RBM6: variants seen among roughly 807,000 people sequenced by gnomAD.
The protein encoded by RBM6 is RNA-binding protein 6.
Under a neutral mutation model 140.4 loss-of-function variants are expected in RBM6, and 23 were observed. The ratio of observed to expected loss-of-function variants is 0.16; its 90% confidence interval spans 0.12 to 0.23. RBM6 has a LOEUF of 0.23. RBM6 is among the 10% of genes least tolerant of loss of function. The probability of loss-of-function intolerance (pLI) is 1.00; values close to 1 mark genes in which losing one functional copy is unlikely to be tolerated. For missense variants in RBM6, 1,139 were observed against 1,386.7 expected (o/e 0.82, Z 2.84); for synonymous variants, 439 against 475.6 (o/e 0.92, Z 1.00).
chr3:50,066,304 G>C lies in RBM6; in HGVS notation c.2745G>C (p.Glu915Asp). 1.9e-6 allele frequency: 3 copies of C among 1,614,142 alleles called. No individual in the cohort carries two copies. The highest frequency in any genetic ancestry group is 2.5e-6 in the Non-Finnish European group (3 of 1,180,024). Residue 915 changes from glutamate to aspartate, a missense_variant, in exon 17 of 21, where the codon GAG becomes GAC. By Grantham distance (45) the Glu-to-Asp change is conservative. Around this residue, in one of 9 missense-constraint regions of RBM6, gnomAD observed 8 missense variants for 30.6 expected, o/e 0.26. Coordinates refer to ENST00000266022, the MANE Select transcript of RBM6 (RefSeq NM_005777.3). ...AATATGGAGGAGACAGTGACTATGA[G>C]GAGGAAGAAGAGGAGGAACAGACCC... ...LGEYGGDSDY[E>D]EEEEEEQTPP...
intron 6 of RBM6, among the ~76,000 whole-genome samples, chr3:50,027,871 C>A (rs1212889712): frequency 6.6e-6 from 1 of 152,212 alleles, no homozygotes; most frequent in African/African-American, 2.4e-5. Context: ...AATGCTAAAA[C>A]TTCCAGCTTT....
chr3:50,067,768 T>G (rs2090167486), intron 17 of RBM6, among the ~76,000 whole-genome samples: 1 of 152,212 alleles, frequency 6.6e-6, no homozygotes. Flanking sequence ...ACCCCTTCTC[T>G]AGTAGATGTT....
intron 5 of RBM6, among the ~76,000 whole-genome samples, chr3:49,990,084 A>G (rs1009321576): frequency 6.6e-6 from 1 of 152,192 alleles, no homozygotes; most frequent in Admixed American, 6.5e-5. Flanking sequence ...GTAATACTAC[A>G]TTGAGGGAAC....
intron 11 of RBM6, among the ~76,000 whole-genome samples, chr3:50,060,480 G>C (rs967547614): frequency 6.6e-6 from 1 of 151,826 alleles, no homozygotes; most frequent in Non-Finnish European, 1.5e-5. Flanking sequence ...AGGCGTGGTG[G>C]CTCACGCCTG....
chr3:50,026,626 C>CTT (rs1183073910), intron 6 of RBM6, among the ~76,000 whole-genome samples: 1 of 147,584 alleles, frequency 6.8e-6, no homozygotes, highest in Non-Finnish European at 1.5e-5. Flanking sequence ...GGCCAAGACT[C>CTT]TGTCTCTCAA....
chr3:49,959,338 G>A (rs1354875841), intron 1 of RBM6, among the ~76,000 whole-genome samples: 1 of 148,444 alleles, frequency 6.7e-6, no homozygotes, highest in Non-Finnish European at 1.5e-5. Flanking sequence ...ACAGGTGCCC[G>A]CCACCACGCC....
chr3:50,012,246 A>G (rs1003300782), intron 6 of RBM6, among the ~76,000 whole-genome samples: 1 of 151,938 alleles, frequency 6.6e-6, no homozygotes, highest in African/African-American at 2.4e-5. Flanking sequence ...ACGAGGTCTC[A>G]ATCTATTGCC....
At position 49,940,160 on chromosome 3, in the gene RBM6, C is replaced by G. The variant is rs569335816; in HGVS notation, c.-132C>G. ...CGCGCGGAGGAAGTTCCGGTGTCCG[C>G]GGCGCTGGGTCGGTGGCGGAGGCTG... On this transcript the variant is annotated 5_prime_UTR_variant, in exon 1 of 21. Transcript: ENST00000266022. 1 of 152,586 alleles carries G rather than the reference C, an allele frequency of 6.6e-6. No homozygotes were observed. Among genetic ancestry groups the G allele is most frequent in the East Asian group, 1.9e-4 (1 of 5,184 alleles). The allele number at this position is 152,586 out of a possible 1,614,324, so 9.5% of individuals were successfully genotyped here.
intron 6 of RBM6, among the ~76,000 whole-genome samples, chr3:50,018,824 C>T (rs1396263662): frequency 2.0e-5 from 3 of 151,754 alleles, no homozygotes; most frequent in Admixed American, 6.6e-5. Context: ...CTTGTGACCT[C>T]GTGATTCGTC....
rs747317048 is a variant in RBM6 at position 50,058,577 on chromosome 3, C to T, written c.2130+15C>T. The T allele has an allele frequency of 6.3e-7, 1 of 1,590,776 alleles. No individual in the cohort carries two copies. Among genetic ancestry groups the T allele is most frequent in the Non-Finnish European group, 8.6e-7 (1 of 1,159,760 alleles). ...ACTCCCATGCGGTGAGTTTCCTCCA[C>T]CTTGGATTGGCCTAGAGACAGATGG... On this transcript the variant is annotated intron_variant, in intron 10 of 20. Transcript: ENST00000266022.
At chr3:50,064,613 G>A (rs767337171) in intron 15 of RBM6, among the ~76,000 whole-genome samples, 7 of 151,994 alleles carry the variant, frequency 4.6e-5, no homozygotes, top group Non-Finnish European at 1.0e-4. Flanking sequence ...CCAGGTTCCA[G>A]CAGTTCTTCT....
rs1039884120 is a variant in RBM6 at position 49,968,208 on chromosome 3, C to A, written c.783C>A (p.His261Gln). The A allele has an allele frequency of 1.2e-6, 2 of 1,613,874 alleles. No homozygotes were observed. Among genetic ancestry groups the A allele is most frequent in the East Asian group, 4.5e-5 (2 of 44,900 alleles). Residue 261 changes from histidine to glutamine, a missense_variant, in exon 3 of 21, where the codon CAC (histidine) becomes CAA (glutamine). His to Gln is a conservative substitution (Grantham distance 24, BLOSUM62 0). This residue lies in a region of RBM6 where 566 missense variants were observed against 612.7 expected (regional missense o/e 0.92). Transcript: ENST00000266022. The stretch of plus-strand genomic sequence containing the variant: ...CACATTCAGATTTCAGAGGTAGACA[C>A]CGATCTAGGACTGATCAGGATTTTA... ...DTPHSDFRGR[H>Q]RSRTDQDFRG...
At chr3:49,952,408 T>C (rs2083775684) in intron 1 of RBM6, among the ~76,000 whole-genome samples, 1 of 151,898 alleles carries the variant, frequency 6.6e-6, no homozygotes, top group South Asian at 2.1e-4. Flanking sequence ...TCAAGTGATC[T>C]GCCCACTTCA....
At chr3:50,058,301 A>G (rs2089795861) in intron 9 of RBM6, 101 bp from the exon 10 acceptor site, 4 of 1,293,304 alleles carry the variant, frequency 3.1e-6, no homozygotes, top group Non-Finnish European at 4.4e-6. Flanking sequence ...CAGCCTTGCT[A>G]GTAGCATCTA....
intron 5 of RBM6, among the ~76,000 whole-genome samples, chr3:49,996,142 T>C (rs1329944792): frequency 6.6e-6 from 1 of 152,180 alleles, no homozygotes; most frequent in Non-Finnish European, 1.5e-5. Flanking sequence ...TTTCTCTGAG[T>C]GGGCATTCAC....
At chr3:50,026,093 TTC>T (rs1470446929) in intron 6 of RBM6, among the ~76,000 whole-genome samples, 1 of 151,982 alleles carries the variant, frequency 6.6e-6, no homozygotes, top group Non-Finnish European at 1.5e-5. Context: ...CTTTTTTTTT[TTC>T]TTTTTTTTTG....
intron 1 of RBM6, among the ~76,000 whole-genome samples, chr3:49,947,940 C>T (rs1004046737): frequency 6.6e-6 from 1 of 152,142 alleles, no homozygotes; most frequent in Non-Finnish European, 1.5e-5. Flanking sequence ...CTAAAAATAC[C>T]ACAATTAGCT....
intron 1 of RBM6, chr3:49,941,105 T>C (rs923237981): frequency 2.0e-5 from 3 of 152,080 alleles, no homozygotes; most frequent in African/African-American, 7.2e-5. Flanking sequence ...CACCTTCCTA[T>C]TGAGAAATGC....
At chr3:50,006,471 A>G (rs1188336002) in intron 6 of RBM6, among the ~76,000 whole-genome samples, 6 of 152,096 alleles carry the variant, frequency 3.9e-5, no homozygotes, top group Non-Finnish European at 7.4e-5. Context: ...GAAGCAGTAT[A>G]ATGTAGCAGT....
Sources: gnomAD v4.1 joint callset for allele counts (sites outside exome capture counted in the v4.1 genomes callset) on GRCh38, gnomAD v4.1.1 for gene constraint, gnomAD v4.1.1 regional missense constraint, MANE v1.5 for transcripts, NCBI Gene and HGNC (gene_info 2026-07-23, HGNC 2026-07-21) for gene names.